BRPF1: variants seen among roughly 807,000 people sequenced by gnomAD.
The protein encoded by BRPF1 is peregrin.
Under a neutral mutation model 115.0 loss-of-function variants are expected in BRPF1, and 15 were observed. The observed-to-expected ratio is 0.13, with a 90% CI of 0.09 to 0.20. The LOEUF (loss-of-function observed/expected upper bound fraction) is 0.20, where lower values mean the gene tolerates loss of function less well. Ranked by LOEUF, BRPF1 falls within the 10% of genes least tolerant of loss-of-function variation. The pLI, the probability that BRPF1 is intolerant of heterozygous loss-of-function variation, is 1.00. For missense variants in BRPF1, 1,118 were observed against 1,638.3 expected (o/e 0.68, Z 5.48); for synonymous variants, 647 against 619.8 (o/e 1.04, Z -0.65).
intron 1 of BRPF1, chr3:9,733,244 TC>T (rs2076885423): frequency 6.6e-6 from 1 of 152,250 alleles, no homozygotes; most frequent in Non-Finnish European, 1.5e-5. Context: ...CTTTCTGTGA[TC>T]CAGTGATTTC....
rs772951644 is a variant in BRPF1, at chr3:9,740,738, C to T, written c.1560-41C>T. On this transcript the variant is annotated intron_variant, in intron 3 of 13. Coordinates refer to ENST00000383829, the MANE Select transcript of BRPF1 (RefSeq NM_001003694.2). ...AGACCCTTGCTCTGCTTAAGAGAAT[C>T]AGGGCCCAACAAGTTTTACTCTTTG... 3.7e-6 allele frequency: 6 copies of T among 1,607,214 alleles called. No individual in the cohort carries two copies. The Admixed American group carries it at 5.0e-5, about 13-fold the overall frequency.
Position 9,741,887 on chromosome 3 carries a change from A to T in BRPF1, c.1855-138A>T, listed in dbSNP as rs112068335. 1.5e-4 allele frequency: 144 copies of T among 953,804 alleles called. No individual in the cohort carries two copies. In the Middle Eastern group the frequency reaches 3.0e-3, roughly 20 times the overall value. 59.1% of individuals were successfully genotyped at this position (953,804 alleles called of 1,614,324 possible). On this transcript the variant is annotated intron_variant, in intron 5 of 13. Coordinates refer to ENST00000383829, the MANE Select transcript of BRPF1 (RefSeq NM_001003694.2). ...GTTTCCCTGGGTGGAGCCTCATAGA[A>T]GGTAGACCTGTATGAGTACACCCAG... is the stretch of plus-strand genomic sequence containing the variant.
chr3:9,737,298 A>G (rs952134889), intron 2 of BRPF1, among the ~76,000 whole-genome samples: 10 of 152,234 alleles, frequency 6.6e-5, no homozygotes, highest in Non-Finnish European at 1.2e-4. Flanking sequence ...ACACATACAC[A>G]GCTATAATGC....
chr3:9,739,604 A>G lies in BRPF1; in HGVS notation c.1205A>G (p.Lys402Arg), dbSNP rs753815517. 5.5e-5 allele frequency: 88 copies of G among 1,610,274 alleles called. No individual in the cohort carries two copies. Among genetic ancestry groups the G allele is most frequent in the Non-Finnish European group, 7.0e-5 (82 of 1,176,874 alleles). Residue 402 changes from lysine to arginine, a missense_variant, in exon 3 of 14, where the codon AAG (lysine) becomes AGG (arginine). Coordinates refer to ENST00000383829, the MANE Select transcript of BRPF1 (RefSeq NM_001003694.2). ...RGSGACIQCH[K>R]ANCYTAFHVT... ...TCAGGGGCCTGCATCCAGTGCCACA[A>G]GGCCAACTGTTACACAGCTTTCCAT...
chr3:9,734,124 A>G lies in BRPF1; in HGVS notation c.-10-7A>G, dbSNP rs907077759. On this transcript the variant is annotated splice_polypyrimidine_tract_variant and splice_region_variant and intron_variant, in intron 1 of 13. Coordinates refer to ENST00000383829, the MANE Select transcript of BRPF1 (RefSeq NM_001003694.2). The surrounding 1 kb of genome is among the most constrained non-coding windows in gnomAD (Gnocchi z 5.7). ...CAGCCTTATGTTAACTGATCTGTGTATTCTAGATGTGACAGCATGGGGGTG... is the reference window on the plus strand; with the variant it reads ...CAGCCTTATGTTAACTGATCTGTGTGTTCTAGATGTGACAGCATGGGGGTG... 6.3e-7 allele frequency: 1 copy of G among 1,585,606 alleles called. No individual in the cohort carries two copies. Among genetic ancestry groups the G allele is most frequent in the Non-Finnish European group, 8.6e-7 (1 of 1,164,660 alleles).
intron 2 of BRPF1, among the ~76,000 whole-genome samples, chr3:9,738,095 C>G (rs56060848): frequency 0.013 from 1,990 of 152,230 alleles, 39 homozygotes; most frequent in African/African-American, 0.045. Flanking sequence ...CCACCTATAG[C>G]ATGCCAGGCA....
chr3:9,741,284 C>G (rs186867660), intron 4 of BRPF1, 24 bp from the exon 5 acceptor site: 60 of 1,545,566 alleles, frequency 3.9e-5, no homozygotes, highest in Non-Finnish European at 4.9e-5. Flanking sequence ...TAATCATCCT[C>G]TGATCTTCGT....
At chr3:9,738,113 CCTT>C (rs1302110477) in intron 2 of BRPF1, among the ~76,000 whole-genome samples, 2 of 152,216 alleles carry the variant, frequency 1.3e-5, no homozygotes, top group East Asian at 1.9e-4. Context: ...GCAAGGAGCA[CCTT>C]CTCTGTGTGA....
At chr3:9,742,376 A>G (rs1657154321) in intron 6 of BRPF1, 1 of 985,220 alleles carries the variant, frequency 1.0e-6, no homozygotes, top group Non-Finnish European at 1.2e-6. Context: ...GGCAGTCTGC[A>G]CTCCTTCCCC....
In BRPF1 at chr3:9,745,856, G is replaced by A; in HGVS notation, c.3250G>A (p.Asp1084Asn). Residue 1084 changes from aspartate (D) to asparagine (N), a missense_variant, in exon 12 of 14, where the codon GAT becomes AAT. Physicochemically the swap from Asp to Asn is conservative, Grantham distance 23. Coordinates refer to ENST00000383829, the MANE Select transcript of BRPF1 (RefSeq NM_001003694.2). The surrounding 1 kb of genome is among the most constrained non-coding windows in gnomAD (Gnocchi z 5.1). ...LGRGAGWLSE[D>N]EDSPLDALDL... ...CCGGGGAGCTGGCTGGCTGTCAGAG[G>A]ATGAGGACTCCCCGCTGGATGCTCT... 1.2e-6 allele frequency: 2 copies of A among 1,614,162 alleles called. No individual in the cohort carries two copies. Among genetic ancestry groups the A allele is most frequent in the Non-Finnish European group, 1.7e-6 (2 of 1,180,038 alleles).
intron 5 of BRPF1, among the ~76,000 whole-genome samples, 165 bp from the exon 6 acceptor site, chr3:9,741,860 A>G (rs928523361): frequency 2.0e-5 from 3 of 152,232 alleles, no homozygotes; most frequent in Middle Eastern, 6.8e-3. Context: ...TTGTTGGTGC[A>G]AGTTTCCCTG....
At position 9,739,308 on chromosome 3, in the gene BRPF1, G is replaced by A; in HGVS notation, c.909G>A (p.Glu303=). Residue 303 remains glutamate, a synonymous_variant, in exon 3 of 14, where the codon GAG becomes GAA. Coordinates refer to ENST00000383829, the MANE Select transcript of BRPF1 (RefSeq NM_001003694.2). ...CDMCNLAVHQ[E]CYGVPYIPEG... ...TGTGCAACCTGGCCGTGCACCAGGA[G>A]TGCTACGGTGTCCCCTATATCCCTG... The A allele has an allele frequency of 6.2e-7, 1 of 1,614,214 alleles. No individual in the cohort carries two copies. The highest frequency in any genetic ancestry group is 2.2e-5 in the East Asian group (1 of 44,888).
chr3:9,743,072 C>T lies in BRPF1; in HGVS notation c.2130C>T (p.Cys710=), dbSNP rs2077058613. 6.2e-7 allele frequency: 1 copy of T among 1,614,236 alleles called. No homozygotes were observed. The highest frequency in any genetic ancestry group is 8.5e-7 in the Non-Finnish European group (1 of 1,180,050). The change falls in exon 7 of 14, where the codon TGC becomes TGT. Residue 710 remains cysteine (C), a synonymous_variant. Transcript: ENST00000383829. This position sits in a 1 kb window ranked among gnomAD's most constrained non-coding sequence, Gnocchi z 6.1. ...ACTTCAACCTCATCGTCAGCAACTG[C>T]CTCAAGTATAACGCCAAGGACACCA... The part of the protein sequence containing the change: ...EEDFNLIVSN[C]LKYNAKDTIF...
chr3:9,734,738 C>A lies in BRPF1; in HGVS notation c.598C>A (p.Arg200=). Residue 200 remains arginine (R), a splice_region_variant and synonymous_variant, in exon 2 of 14, where the codon CGG becomes AGG. Transcript: ENST00000383829. The surrounding 1 kb of genome is among the most constrained non-coding windows in gnomAD (Gnocchi z 5.7). ...CCCACCCCGGCCAACTTCCTATTACCGGTAAGGCCACCTCTACCTTGCAGC... is the reference window on the plus strand; with the variant it reads ...CCCACCCCGGCCAACTTCCTATTACAGGTAAGGCCACCTCTACCTTGCAGC... The part of the protein sequence containing the change: ...DAPPRPTSYY[R]YIEKSAEELD... 1 of 1,613,722 alleles carries A rather than the reference C, an allele frequency of 6.2e-7. No individual in the cohort carries two copies. Among genetic ancestry groups the A allele is most frequent in the Non-Finnish European group, 8.5e-7 (1 of 1,179,746 alleles).
Position 9,745,943 on chromosome 3 carries a change from C to T in BRPF1, c.3324+13C>T. On this transcript the variant is annotated intron_variant, in intron 12 of 13. Transcript: ENST00000383829. The surrounding 1 kb of genome is among the most constrained non-coding windows in gnomAD (Gnocchi z 5.1). ...ATACCCAGCTCTGGTATGCTTGCTT[C>T]TGTTACACTTCTTGCTTTCCAATCC... 1 of 1,602,014 alleles carries T rather than the reference C, an allele frequency of 6.2e-7. No individual in the cohort carries two copies. Among genetic ancestry groups the T allele is most frequent in the South Asian group, 1.1e-5 (1 of 89,734 alleles).
rs199652982 is a variant in BRPF1, at chr3:9,743,148, C to T, written c.2206C>T (p.Arg736Cys). ...TCGTGAGCAGGGTGGTGCTGTGCTC[C>T]GCCAGGCCCGGCGCCAGGCAGAAAA... Reference protein sequence around the residue: ...RLREQGGAVLRQARRQAEKMG... With the variant: ...RLREQGGAVLCQARRQAEKMG... Residue 736 changes from arginine (R) to cysteine (C), a missense_variant, in exon 7 of 14, where the codon CGC becomes TGC. By Grantham distance (180) the Arg-to-Cys change is radical. Around this residue, in one of 10 missense-constraint regions of BRPF1, gnomAD observed 223 missense variants for 240.7 expected, o/e 0.93. Transcript: ENST00000383829. This position sits in a 1 kb window ranked among gnomAD's most constrained non-coding sequence, Gnocchi z 6.1. 37 of 1,614,210 alleles carry T rather than the reference C, an allele frequency of 2.3e-5. No individual in the cohort carries two copies. The highest frequency in any genetic ancestry group is 2.8e-5 in the Non-Finnish European group (33 of 1,180,048).
Position 9,740,881 on chromosome 3 carries a change from C to A in BRPF1, c.1662C>A (p.Val554=), listed in dbSNP as rs971454177. ...WTLKRQSRNG[V]PLLRRLQTHL... is the part of the protein sequence containing the mutation. ...TGAAGCGGCAGTCACGGAATGGGGTCCCATTGCTACGTCGCCTGCAGACAC... is the reference window on the plus strand; with the variant it reads ...TGAAGCGGCAGTCACGGAATGGGGTACCATTGCTACGTCGCCTGCAGACAC... Residue 554 remains valine (V), a synonymous_variant, in exon 4 of 14, where the codon GTC becomes GTA. Transcript: ENST00000383829. The A allele has an allele frequency of 7.4e-6, 12 of 1,613,952 alleles. No homozygotes were observed. The African/African-American group carries it at 1.3e-4, about 18-fold the overall frequency.
In BRPF1 at chr3:9,743,770, C is replaced by T. The variant is rs139779477; in HGVS notation, c.2504C>T (p.Thr835Met). The part of the protein sequence containing the change: ...LRRKLAHQRE[T>M]GRDGPERHGP... ...CGGAAGCTTGCCCATCAGCGAGAGA[C>T]GGGACGTGATGGCCCTGAGCGGCAT... Residue 835 changes from threonine (T) to methionine (M), a missense_variant, in exon 8 of 14, where the codon ACG becomes ATG. By Grantham distance (81) the Thr-to-Met change is moderately conservative. Coordinates refer to ENST00000383829, the MANE Select transcript of BRPF1 (RefSeq NM_001003694.2). The surrounding 1 kb of genome is among the most constrained non-coding windows in gnomAD (Gnocchi z 6.1). The T allele has an allele frequency of 1.3e-4, 203 of 1,614,030 alleles. No individual in the cohort carries two copies. The highest frequency in any genetic ancestry group is 1.5e-4 in the Non-Finnish European group (176 of 1,180,034).
rs2125500211 is a variant in BRPF1 at position 9,739,166 on chromosome 3, C to T, written c.767C>T (p.Ser256Leu). Residue 256 changes from serine (S) to leucine (L), a missense_variant, in exon 3 of 14, where the codon TCG becomes TTG. By Grantham distance (145) the Ser-to-Leu change is moderately radical. This residue lies in a region of BRPF1 where 280 missense variants were observed against 382.8 expected (regional missense o/e 0.73). Coordinates refer to ENST00000383829, the MANE Select transcript of BRPF1 (RefSeq NM_001003694.2). ...EYLMDRLEKESYFESHNKGDP... is the reference protein window; with the variant it reads ...EYLMDRLEKELYFESHNKGDP... The stretch of plus-strand genomic sequence containing the variant: ...CTAATGGACCGACTGGAGAAGGAGT[C>T]GTACTTTGAGAGTCATAATAAAGGC... 1 of 1,613,884 alleles carries T rather than the reference C, an allele frequency of 6.2e-7. No individual in the cohort carries two copies. The highest frequency in any genetic ancestry group is 8.5e-7 in the Non-Finnish European group (1 of 1,179,866).
Sources: allele counts gnomAD v4.1 joint callset (sites outside exome capture counted in the v4.1 genomes callset), GRCh38; gene constraint gnomAD v4.1.1; regional missense constraint gnomAD v4.1.1; non-coding constraint Gnocchi (gnomAD v3.1); transcripts MANE v1.5; gene names NCBI Gene and HGNC (gene_info 2026-07-23, HGNC 2026-07-21).